The following RALYL variants were observed in gnomAD, a reference collection of about 807,000 sequenced individuals.
RALYL encodes RALY RNA binding protein like.
In RALYL, 29 loss-of-function variants were observed where a neutral mutation model predicts 35.1. The observed-to-expected ratio is 0.83, with a 90% CI of 0.61 to 1.13. The LOEUF (loss-of-function observed/expected upper bound fraction) is 1.13, where lower values mean the gene tolerates loss of function less well. RALYL is among the 50% of genes most tolerant of loss of function. The pLI, the probability that RALYL is intolerant of heterozygous loss-of-function variation, is 0.00. For synonymous variants in RALYL, 120 were observed against 127.6 expected, an observed-to-expected ratio of 0.94 and a Z score of 0.40; for missense variants, 359 against 360.4, an observed-to-expected ratio of 1.00 and a Z score of 0.03.
intron 1 of RALYL, among the ~76,000 whole-genome samples, chr8:84,408,778 A>G (rs2043809234): frequency 6.6e-6 from 1 of 152,182 alleles, no homozygotes; most frequent in South Asian, 2.1e-4. Context: ...GATAAAATGT[A>G]GAACAACAAT....
At chr8:84,580,702 T>C (rs1810624903) in intron 2 of RALYL, among the ~76,000 whole-genome samples, 1 of 152,216 alleles carries the variant, frequency 6.6e-6, no homozygotes, top group Admixed American at 6.5e-5. Flanking sequence ...TGTCCAGTAA[T>C]AGTAATGTAT....
chr8:84,194,892 C>T (rs1218539227), intron 1 of RALYL, among the ~76,000 whole-genome samples: 1 of 151,956 alleles, frequency 6.6e-6, no homozygotes, highest in East Asian at 1.9e-4. Context: ...AAGATCTGAA[C>T]CCAGGAGTTT....
chr8:84,406,345 A>G (rs1350054904), intron 1 of RALYL, among the ~76,000 whole-genome samples: 1 of 152,106 alleles, frequency 6.6e-6, no homozygotes, highest in African/African-American at 2.4e-5. Context: ...AGGATTTAGG[A>G]AGTCCAGTTA....
rs928369872 is a variant in RALYL, at chr8:84,648,754, T to C, written c.256+119177T>C. Among the ~76,000 whole-genome samples, 25 of 151,450 alleles carry C rather than the reference T, an allele frequency of 1.7e-4. No homozygotes were observed. The South Asian group carries it at 4.4e-3, about 26-fold the overall frequency. ...AAATTATTAATATATTATTTGAATT[T>C]ATATTCAATGCATTAAGTTGAATTA... On this transcript the variant is annotated intron_variant, in intron 2 of 8. Transcript: ENST00000521268.
intron 3 of RALYL, among the ~76,000 whole-genome samples, chr8:84,778,697 G>A (rs1817415132): frequency 6.6e-6 from 1 of 152,190 alleles, no homozygotes; most frequent in South Asian, 2.1e-4. Context: ...ATGGTGCCCA[G>A]GCTGTGAATA....
chr8:84,223,209 C>CTCCCTTCCCTTCCCTTCCCT lies in RALYL; in HGVS notation c.-24+38804_-24+38823dup, dbSNP rs57387257. ...CCTTCCCTTCCCTTCCCTTCCATTC[C>CTCCCTTCCCTTCCCTTCCCT]TCCCTTCCCTTCCCTTCCCTTCCCT... On this transcript the variant is annotated intron_variant, in intron 1 of 8. Transcript: ENST00000521268. Among the ~76,000 whole-genome samples, 437 of 88,794 alleles carry CTCCCTTCCCTTCCCTTCCCT rather than the reference C, an allele frequency of 4.9e-3. 2 individuals are homozygous for CTCCCTTCCCTTCCCTTCCCT. The highest frequency in any genetic ancestry group is 0.013 in the Middle Eastern group (2 of 160). The allele number at this position is 88,794 out of a possible 152,430, so 58.3% of individuals were successfully genotyped here.
At chr8:84,624,418 T>G (rs1564264941) in intron 2 of RALYL, among the ~76,000 whole-genome samples, 1 of 152,202 alleles carries the variant, frequency 6.6e-6, no homozygotes. Context: ...TTTCTGATTT[T>G]TAAAGGCCAT....
Position 84,355,399 on chromosome 8 carries a change from G to T in RALYL, c.-24+170975G>T, listed in dbSNP as rs568380005. ...TAACTTGTGGCTTTCCAAATATATG[G>T]GTTAGGAAAAGCTTTTCCAAGGAAG... On this transcript the variant is annotated intron_variant, in intron 1 of 8. Transcript: ENST00000521268. 4.0e-4 allele frequency among the ~76,000 whole-genome samples: 60 copies of T among 150,372 alleles called. 1 individual carries two copies. The highest frequency in any genetic ancestry group is 6.2e-4 in the Non-Finnish European group (42 of 67,742).
chr8:84,358,338 G>A (rs1852273939), intron 1 of RALYL, among the ~76,000 whole-genome samples: 1 of 151,792 alleles, frequency 6.6e-6, no homozygotes, highest in Non-Finnish European at 1.5e-5. Flanking sequence ...CTTAATAGTG[G>A]AATTTAGAGA....
At chr8:84,744,100 A>G (rs746970375) in intron 2 of RALYL, among the ~76,000 whole-genome samples, 3 of 152,042 alleles carry the variant, frequency 2.0e-5, no homozygotes, top group Non-Finnish European at 2.9e-5. Context: ...CTTTTGTGTT[A>G]TGTATTTGGC....
chr8:84,529,037 A>G (rs2059098727), intron 1 of RALYL, among the ~76,000 whole-genome samples: 1 of 152,208 alleles, frequency 6.6e-6, no homozygotes, highest in Non-Finnish European at 1.5e-5. Context: ...ACAACTGCAA[A>G]ATATTCAGTC....
At chr8:84,755,267 A>G (rs1411262060) in intron 2 of RALYL, among the ~76,000 whole-genome samples, 1 of 152,140 alleles carries the variant, frequency 6.6e-6, no homozygotes, top group East Asian at 1.9e-4. Context: ...TCACAAACCA[A>G]ATAGCAGTCT....
chr8:84,537,837 A>G (rs1020111216), intron 2 of RALYL, among the ~76,000 whole-genome samples: 2 of 152,220 alleles, frequency 1.3e-5, no homozygotes, highest in Non-Finnish European at 2.9e-5. Flanking sequence ...AGGTTTTATG[A>G]AAACAAAAAT....
At chr8:84,715,879 C>G (rs1842884832) in intron 2 of RALYL, among the ~76,000 whole-genome samples, 3 of 152,104 alleles carry the variant, frequency 2.0e-5, no homozygotes, top group African/African-American at 2.4e-5. Flanking sequence ...AATATTGACT[C>G]AAAGTATTAA....
At chr8:84,722,617 T>TA (rs1554546342) in intron 2 of RALYL, among the ~76,000 whole-genome samples, 1,254 of 97,122 alleles carry the variant, frequency 0.013, 29 homozygotes, top group African/African-American at 0.036. Flanking sequence ...TAGAGTGATT[T>TA]TATATATATA....
chr8:84,699,865 T>C (rs959130175), intron 2 of RALYL, among the ~76,000 whole-genome samples: 1 of 152,188 alleles, frequency 6.6e-6, no homozygotes, highest in African/African-American at 2.4e-5. Flanking sequence ...TAAGGTAAAA[T>C]ATAGCCAACA....
intron 1 of RALYL, among the ~76,000 whole-genome samples, chr8:84,470,830 A>G (rs1405648348): frequency 6.6e-6 from 1 of 152,172 alleles, no homozygotes; most frequent in African/African-American, 2.4e-5. Flanking sequence ...TGTTAGAGGG[A>G]TGATTACACA....
At chr8:84,901,221 C>G (rs956653465) in intron 8 of RALYL, among the ~76,000 whole-genome samples, 1 of 152,026 alleles carries the variant, frequency 6.6e-6, no homozygotes, top group South Asian at 2.1e-4. Flanking sequence ...AAAGTAAATG[C>G]TCTAAGAAAA....
intron 1 of RALYL, among the ~76,000 whole-genome samples, chr8:84,331,096 G>T (rs545775603): frequency 3.9e-4 from 59 of 152,130 alleles, no homozygotes; most frequent in African/African-American, 1.4e-3. Flanking sequence ...TGAATATTCT[G>T]CTTATTGGAA....
Sources: allele counts gnomAD v4.1 joint callset (sites outside exome capture counted in the v4.1 genomes callset), GRCh38; gene constraint gnomAD v4.1.1; transcripts MANE v1.5; gene names NCBI Gene and HGNC (gene_info 2026-07-23, HGNC 2026-07-21).